The following GOLIM4 variants were observed in gnomAD, a reference collection of about 807,000 sequenced individuals.
GOLIM4 encodes the protein golgi integral membrane protein 4.
In GOLIM4, 71 loss-of-function variants were observed where a neutral mutation model predicts 107.4. The ratio of observed to expected loss-of-function variants is 0.66; its 90% CI spans 0.55 to 0.81. The LOEUF is 0.81. Among genes scored for constraint, GOLIM4 ranks in the 30% least tolerant of loss-of-function variants. The probability of loss-of-function intolerance (pLI) is 0.00; values close to 1 mark genes in which losing one functional copy is unlikely to be tolerated. For missense variants in GOLIM4, 830 were observed against 826.1 expected (o/e 1.00, Z -0.06); for synonymous variants, 327 against 294.8 (o/e 1.11, Z -1.12).
At position 168,032,868 on chromosome 3, in the gene GOLIM4, C is replaced by T; in HGVS notation, c.844-16G>A. The stretch of plus-strand genomic sequence containing the variant: ...TTCGAGACACCTAGGCCAAGCACAT[C>T]ACTGGGAATGACACTCTTCCAATTT... On this transcript the variant is annotated splice_polypyrimidine_tract_variant and intron_variant, in intron 8 of 15. Transcript: ENST00000470487. 1 of 1,574,928 alleles carries T rather than the reference C, an allele frequency of 6.3e-7. No individual in the cohort carries two copies. The highest frequency in any genetic ancestry group is 8.7e-7 in the Non-Finnish European group (1 of 1,149,860).
intron 1 of GOLIM4, among the ~76,000 whole-genome samples, chr3:168,087,033 T>A (rs1721663757): frequency 6.6e-6 from 1 of 152,176 alleles, no homozygotes; most frequent in Non-Finnish European, 1.5e-5. Context: ...ATTCAGTGTC[T>A]GTATCCAACT....
At chr3:168,080,241 C>T (rs956975910) in intron 1 of GOLIM4, among the ~76,000 whole-genome samples, 4 of 152,154 alleles carry the variant, frequency 2.6e-5, no homozygotes, top group Non-Finnish European at 5.9e-5. Context: ...TGCTGTCCAA[C>T]AGAAACGCAC....
At chr3:168,049,993 T>A (rs1719523845) in intron 1 of GOLIM4, among the ~76,000 whole-genome samples, 1 of 152,116 alleles carries the variant, frequency 6.6e-6, no homozygotes, top group Non-Finnish European at 1.5e-5. Context: ...CTCAAATTTG[T>A]ATGGTGTGGT....
At chr3:168,042,850 GA>G (rs1213336453) in intron 5 of GOLIM4, among the ~76,000 whole-genome samples, 2 of 152,162 alleles carry the variant, frequency 1.3e-5, no homozygotes, top group Admixed American at 1.3e-4. Flanking sequence ...ATAAGACAAT[GA>G]AGCCCACAGT....
At chr3:168,029,674 T>C in intron 10 of GOLIM4, 106 bp downstream of exon 10, 2 of 1,280,568 alleles carry the variant, frequency 1.6e-6, no homozygotes, top group East Asian at 2.3e-5. Flanking sequence ...TTGAGCAATA[T>C]GAGCCCCTTA....
intron 1 of GOLIM4, among the ~76,000 whole-genome samples, chr3:168,049,035 G>C (rs1719475726): frequency 6.6e-6 from 1 of 152,204 alleles, no homozygotes; most frequent in South Asian, 2.1e-4. Flanking sequence ...GCCACAGCCA[G>C]AAGAAACCAG....
At chr3:168,024,205 G>A (rs1002359613) in intron 14 of GOLIM4, among the ~76,000 whole-genome samples, 2 of 152,142 alleles carry the variant, frequency 1.3e-5, no homozygotes, top group Admixed American at 1.3e-4. Flanking sequence ...AATGTGCAGA[G>A]GGAGAGAGGA....
At chr3:168,013,402 G>T (rs1042822697) in intron 14 of GOLIM4, among the ~76,000 whole-genome samples, 1 of 151,868 alleles carries the variant, frequency 6.6e-6, no homozygotes, top group African/African-American at 2.4e-5. Context: ...AATCCTGAGT[G>T]ACCTACAAAG....
chr3:168,025,169 C>A lies in GOLIM4; in HGVS notation c.1624-74G>T. 3 of 1,191,618 alleles carry A rather than the reference C, an allele frequency of 2.5e-6. No homozygotes were observed. In the Admixed American group the frequency reaches 6.4e-5, roughly 25 times the overall value. The allele number at this position is 1,191,618 out of a possible 1,614,324, so 73.8% of individuals were successfully genotyped here. On this transcript the variant is annotated intron_variant, in intron 12 of 15. Transcript: ENST00000470487. ...AGTTTAATTTCATTTGAAAAGGCTG[C>A]CCACTGGCAGAAAATGAAATTGTCC...
At chr3:168,024,845 G>T in intron 13 of GOLIM4, 83 bp downstream of exon 13, 2 of 1,368,042 alleles carry the variant, frequency 1.5e-6, no homozygotes, top group African/African-American at 1.4e-5. Flanking sequence ...CGTCAATGTG[G>T]AATATGACTA....
chr3:168,029,383 A>T, intron 10 of GOLIM4, 81 bp from the exon 11 acceptor site: 7 of 891,578 alleles, frequency 7.9e-6, no homozygotes, highest in Non-Finnish European at 1.2e-5. Context: ...ATCTTTAAAG[A>T]CAGTAATAAG....
intron 1 of GOLIM4, among the ~76,000 whole-genome samples, chr3:168,069,817 G>A (rs768680740): frequency 6.6e-6 from 1 of 152,122 alleles, no homozygotes; most frequent in Non-Finnish European, 1.5e-5. Flanking sequence ...TTTCCTTAAA[G>A]GAAATCTTAA....
chr3:168,092,399 TG>T (rs932204193), intron 1 of GOLIM4, among the ~76,000 whole-genome samples: 1 of 152,220 alleles, frequency 6.6e-6, no homozygotes, highest in Admixed American at 6.5e-5. Context: ...CTTCTAGTTA[TG>T]GGGCTCTTCT....
Position 168,083,662 on chromosome 3 carries a change from A to G in GOLIM4, c.187+11437T>C, listed in dbSNP as rs141882209. 9.0e-4 allele frequency among the ~76,000 whole-genome samples: 137 copies of G among 152,306 alleles called. 1 individual carries two copies. The South Asian group carries it at 9.9e-3, about 11-fold the overall frequency. On this transcript the variant is annotated intron_variant, in intron 1 of 15. Transcript: ENST00000470487. ...TGAGTCAGATAATGCAAGAAAAATG[A>G]TTTAGCACAGTGGTTGGTACCCAGC...
At chr3:168,070,532 C>T (rs1560102733) in intron 1 of GOLIM4, among the ~76,000 whole-genome samples, 2 of 152,194 alleles carry the variant, frequency 1.3e-5, no homozygotes, top group Admixed American at 1.3e-4. Flanking sequence ...ATTAAAGTCT[C>T]TAAAGTAATT....
chr3:168,032,523 A>G lies in GOLIM4; in HGVS notation c.1173T>C (p.Ala391=). The change falls in exon 9 of 16, where the codon GCT becomes GCC. Residue 391 remains alanine (A), a synonymous_variant. Coordinates refer to ENST00000470487, the MANE Select transcript of GOLIM4 (RefSeq NM_014498.5). ...AANLLEGHAR[A]EVYPSAKPMI... The stretch of plus-strand genomic sequence containing the variant: ...CCAGAAGCGGGTGACTTCATACCTC[A>G]GCACGCGCGTGCCCTTCCAGGAGGT... The G allele has an allele frequency of 6.2e-7, 1 of 1,612,786 alleles. No individual in the cohort carries two copies. Among genetic ancestry groups the G allele is most frequent in the Non-Finnish European group, 8.5e-7 (1 of 1,178,764 alleles).
chr3:168,090,779 T>C (rs1164708096), intron 1 of GOLIM4, among the ~76,000 whole-genome samples: 1 of 152,120 alleles, frequency 6.6e-6, no homozygotes, highest in African/African-American at 2.4e-5. Context: ...TAAGCGTCCA[T>C]CAACAGAGAA....
At chr3:168,075,035 T>A (rs947811439) in intron 1 of GOLIM4, among the ~76,000 whole-genome samples, 1 of 152,144 alleles carries the variant, frequency 6.6e-6, no homozygotes, top group Non-Finnish European at 1.5e-5. Flanking sequence ...AGGACTTTTA[T>A]GAAAGAATTA....
intron 14 of GOLIM4, among the ~76,000 whole-genome samples, chr3:168,018,164 A>C (rs1327198108): frequency 6.6e-6 from 1 of 152,260 alleles, no homozygotes; most frequent in Non-Finnish European, 1.5e-5. Flanking sequence ...ATCAGAGAAT[A>C]AGATCCTTGA....
Sources: gnomAD v4.1 joint callset for allele counts (sites outside exome capture counted in the v4.1 genomes callset) on GRCh38, gnomAD v4.1.1 for gene constraint, MANE v1.5 for transcripts, NCBI Gene and HGNC (gene_info 2026-07-23, HGNC 2026-07-21) for gene names.